SYT17: variants seen among roughly 807,000 people sequenced by gnomAD.
SYT17 encodes the protein synaptotagmin 17.
In SYT17, 22 loss-of-function variants were observed where a neutral mutation model predicts 46.7. The ratio of observed to expected loss-of-function variants is 0.47; its 90% confidence interval spans 0.34 to 0.67. The LOEUF (loss-of-function observed/expected upper bound fraction) is 0.67. Ranked by LOEUF, SYT17 falls within the 30% of genes least tolerant of loss-of-function variation. The probability of loss-of-function intolerance (pLI) is 0.01; values close to 1 mark genes in which losing one functional copy is unlikely to be tolerated. For missense variants in SYT17, 519 were observed against 612.8 expected, an observed-to-expected ratio of 0.85 and a Z score of 1.62; for synonymous variants, 251 against 248.4, an observed-to-expected ratio of 1.01 and a Z score of -0.10.
Position 19,267,286 on chromosome 16 carries a change from A to C in SYT17, c.*210A>C. 1 of 474,218 alleles carries C rather than the reference A, an allele frequency of 2.1e-6. No homozygotes were observed. Among genetic ancestry groups the C allele is most frequent in the Non-Finnish European group, 3.7e-6 (1 of 270,742 alleles). 29.4% of individuals were successfully genotyped at this position (474,218 alleles called of 1,614,324 possible). On this transcript the variant is annotated 3_prime_UTR_variant, in exon 8 of 8. Transcript: ENST00000355377. The stretch of plus-strand genomic sequence containing the variant: ...CAAAATGGCCGCCCTCAGTTGAGTG[A>C]GGCCTAGGAACTTTCCGGAAGCCCC...
intron 7 of SYT17, among the ~76,000 whole-genome samples, chr16:19,259,087 C>A (rs754691149): frequency 8.5e-5 from 13 of 152,096 alleles, no homozygotes; most frequent in Non-Finnish European, 1.9e-4. Flanking sequence ...CAGGGTGTGT[C>A]CATGCATTGT....
chr16:19,211,623 T>C (rs902669144), intron 5 of SYT17, among the ~76,000 whole-genome samples: 9 of 142,532 alleles, frequency 6.3e-5, no homozygotes, highest in Non-Finnish European at 1.3e-4. Context: ...TACGATCTTG[T>C]ATTTTTTTTT....
chr16:19,205,438 C>CTTT (rs34776896), intron 5 of SYT17, among the ~76,000 whole-genome samples: 16 of 133,146 alleles, frequency 1.2e-4, no homozygotes, highest in African/African-American at 1.9e-4. Context: ...CCTTCCTTGA[C>CTTT]TTTTTTTTTT....
intron 7 of SYT17, chr16:19,250,159 A>G: frequency 7.3e-7 from 1 of 1,370,088 alleles, no homozygotes; most frequent in Non-Finnish European, 9.6e-7. Flanking sequence ...ATATTGAAAG[A>G]ATTGTCCCAT....
intron 5 of SYT17, among the ~76,000 whole-genome samples, chr16:19,188,513 CAAAA>C (rs61202540): frequency 2.0e-4 from 13 of 64,584 alleles, no homozygotes; most frequent in Admixed American, 7.4e-4. Flanking sequence ...TTCAGTTCTG[CAAAA>C]AAAAAAAAAA....
intron 5 of SYT17, among the ~76,000 whole-genome samples, chr16:19,220,910 G>A (rs1022861291): frequency 2.0e-5 from 3 of 152,074 alleles, no homozygotes; most frequent in African/African-American, 4.8e-5. Context: ...TGAAGAACCT[G>A]TCTGGGCATG....
At chr16:19,238,639 G>A (rs1966883086) in intron 7 of SYT17, among the ~76,000 whole-genome samples, 1 of 152,250 alleles carries the variant, frequency 6.6e-6, no homozygotes, top group Non-Finnish European at 1.5e-5. Flanking sequence ...GCTGTTTAAT[G>A]ACTCTGGTGC....
rs1000788302 is a variant in SYT17, at chr16:19,183,470, G to A, written c.332-58G>A. 2 of 1,592,132 alleles carry A rather than the reference G, an allele frequency of 1.3e-6. No homozygotes were observed. Among genetic ancestry groups the A allele is most frequent in the Non-Finnish European group, 1.7e-6 (2 of 1,167,918 alleles). On this transcript the variant is annotated intron_variant, in intron 4 of 7. Transcript: ENST00000355377. The surrounding 1 kb of genome is among the most constrained non-coding windows in gnomAD (Gnocchi z 5.6). ...ATGCAAGAATCTGCTTACCTGCAAA[G>A]TGGCCCAGGTCTGCCCCGTATGTGG...
In SYT17 at chr16:19,180,448, C is replaced by G. The variant is rs374133521; in HGVS notation, c.240C>G (p.Val80=). The change falls in exon 4 of 8, where the codon GTC becomes GTG. Residue 80 remains valine, a synonymous_variant. Coordinates refer to ENST00000355377, the MANE Select transcript of SYT17 (RefSeq NM_016524.4). The part of the protein sequence containing the change: ...DGDSVHTASE[V]PLTPRTNSPD... ...ACTCTGTCCACACGGCCAGCGAAGTCCCGCTGACCCCACGGACCAATTCCC... is the reference window on the plus strand; with the variant it reads ...ACTCTGTCCACACGGCCAGCGAAGTGCCGCTGACCCCACGGACCAATTCCC... 16 of 1,614,056 alleles carry G rather than the reference C, an allele frequency of 9.9e-6. No homozygotes were observed. In the African/African-American group the frequency reaches 2.1e-4, roughly 22 times the overall value.
Position 19,261,842 on chromosome 16 carries a change from A to G in SYT17, c.1229-5038A>G, listed in dbSNP as rs780052733. Among the ~76,000 whole-genome samples, 14 of 152,326 alleles carry G rather than the reference A, an allele frequency of 9.2e-5. No homozygotes were observed. In the East Asian group the frequency reaches 2.3e-3, roughly 25 times the overall value. ...AGTCTGTCTCATTTTTAATGGCAAC[A>G]TGGATTTCCGTGGTATTATTATCTC... On this transcript the variant is annotated intron_variant, in intron 7 of 7. Transcript: ENST00000355377.
At chr16:19,172,284 C>T in intron 1 of SYT17, 1 of 1,230,424 alleles carries the variant, frequency 8.1e-7, no homozygotes, top group Non-Finnish European at 1.0e-6. Flanking sequence ...ACCATTGGAG[C>T]AGAATTGGAA....
rs1490341352 is a variant in SYT17 at position 19,183,973 on chromosome 16, C to T, written c.777C>T (p.Arg259=). The T allele has an allele frequency of 1.2e-6, 2 of 1,614,058 alleles. No homozygotes were observed. Among genetic ancestry groups the T allele is most frequent in the Non-Finnish European group, 1.7e-6 (2 of 1,180,040 alleles). ...CCCAGAAGCCCGTGTTTGAGGAGCG[C>T]TACACCTTCGAGATCCCCTTCCTGG... The part of the protein sequence containing the change: ...RKTQKPVFEE[R]YTFEIPFLEA... Residue 259 remains arginine (R), a synonymous_variant, in exon 5 of 8, where the codon CGC becomes CGT. Transcript: ENST00000355377. The surrounding 1 kb of genome is among the most constrained non-coding windows in gnomAD (Gnocchi z 5.6).
intron 7 of SYT17, among the ~76,000 whole-genome samples, chr16:19,255,135 T>C (rs2239981): frequency 0.52 from 78,913 of 151,974 alleles, 21,840 homozygotes; most frequent in South Asian, 0.64. Flanking sequence ...TGGAGGTGAC[T>C]TTCCTCCCAC....
intron 7 of SYT17, among the ~76,000 whole-genome samples, chr16:19,263,626 G>A: frequency 8.4e-6 from 1 of 119,220 alleles, no homozygotes; most frequent in East Asian, 2.5e-4. Context: ...GGTGACAACA[G>A]TGAAATTACA....
chr16:19,217,558 C>T (rs1391301716), intron 5 of SYT17, among the ~76,000 whole-genome samples: 1 of 152,136 alleles, frequency 6.6e-6, no homozygotes, highest in East Asian at 1.9e-4. Flanking sequence ...AATGAATAAC[C>T]TACCATTGCA....
At position 19,264,596 on chromosome 16, in the gene SYT17, C is replaced by CTTTT. The variant is rs58368073; in HGVS notation, c.1229-2274_1229-2271dup. The stretch of plus-strand genomic sequence containing the variant: ...TACGTGAGACTGAGATTTCCCCCAC[C>CTTTT]TTTTTTTTTTTTTGAGACAAGCAAG... On this transcript the variant is annotated intron_variant, in intron 7 of 7. Coordinates refer to ENST00000355377, the MANE Select transcript of SYT17 (RefSeq NM_016524.4). 3.4e-3 allele frequency among the ~76,000 whole-genome samples: 493 copies of CTTTT among 145,456 alleles called. 9 individuals carry two copies. Among genetic ancestry groups the CTTTT allele is most frequent in the African/African-American group, 6.5e-3 (256 of 39,562 alleles).
chr16:19,185,026 A>G (rs1964727471), intron 5 of SYT17, among the ~76,000 whole-genome samples: 2 of 152,088 alleles, frequency 1.3e-5, no homozygotes, highest in Non-Finnish European at 2.9e-5. Flanking sequence ...CATTGTAGGT[A>G]GAAGGATGTG....
At chr16:19,191,210 C>A (rs1052438879) in intron 5 of SYT17, among the ~76,000 whole-genome samples, 5 of 151,690 alleles carry the variant, frequency 3.3e-5, no homozygotes, top group African/African-American at 1.2e-4. Context: ...AAACACTGAA[C>A]TCTGGTTAAT....
At chr16:19,169,044 C>T (rs1043312474) in intron 1 of SYT17, among the ~76,000 whole-genome samples, 4 of 151,934 alleles carry the variant, frequency 2.6e-5, no homozygotes, top group Non-Finnish European at 4.4e-5. Flanking sequence ...GCTGCCGTTG[C>T]CGTGGTGACG....
Sources: allele counts gnomAD v4.1 joint callset (sites outside exome capture counted in the v4.1 genomes callset), GRCh38; gene constraint gnomAD v4.1.1; non-coding constraint Gnocchi (gnomAD v3.1); transcripts MANE v1.5; gene names NCBI Gene and HGNC (gene_info 2026-07-23, HGNC 2026-07-21).